Variants in SMOC1 observed in about 807,000 individuals in gnomAD.
SMOC1 encodes the protein SPARC-related modular calcium-binding protein 1.
SMOC1 carries 22 observed loss-of-function variants against 56.3 expected under a neutral mutation model. The observed-to-expected ratio is 0.39, with a 90% CI of 0.28 to 0.56. The LOEUF is 0.56. SMOC1 is among the 20% of genes least tolerant of loss of function. The pLI is 0.61. For synonymous variants in SMOC1, 193 were observed against 215.0 expected, an observed-to-expected ratio of 0.90 and a Z score of 0.89; for missense variants, 509 against 565.4, an observed-to-expected ratio of 0.90 and a Z score of 1.01.
chr14:70,007,802 T>C (rs1885197354), intron 7 of SMOC1, among the ~76,000 whole-genome samples: 1 of 152,238 alleles, frequency 6.6e-6, no homozygotes, highest in Admixed American at 6.5e-5. Context: ...GTAAAGCCCT[T>C]AGTCTATTGC....
At chr14:70,019,755 G>A (rs1352101287) in intron 10 of SMOC1, among the ~76,000 whole-genome samples, 2 of 152,144 alleles carry the variant, frequency 1.3e-5, no homozygotes, top group Non-Finnish European at 2.9e-5. Context: ...CCTGCTCCAT[G>A]CCTATCCAGC....
rs1886152430 is a variant in SMOC1 at position 70,031,584 on chromosome 14, C to T, written c.*1326C>T. 1.3e-5 allele frequency: 2 copies of T among 152,200 alleles called. No individual in the cohort carries two copies. Among genetic ancestry groups the T allele is most frequent in the South Asian group, 4.1e-4 (2 of 4,826 alleles). The allele number at this position is 152,200 out of a possible 1,614,324, so 9.4% of individuals were successfully genotyped here. On this transcript the variant is annotated 3_prime_UTR_variant, in exon 12 of 12. Transcript: ENST00000361956. ...ACTGATCTTGGGTTTCCTATTCTGC[C>T]TCCCCTAGAAGGGCAGGGGTGATAA... is the stretch of plus-strand genomic sequence containing the variant.
At chr14:70,002,291 A>G (rs1884996851) in intron 7 of SMOC1, among the ~76,000 whole-genome samples, 1 of 152,192 alleles carries the variant, frequency 6.6e-6, no homozygotes, top group African/African-American at 2.4e-5. Context: ...TTTAGCTTAA[A>G]GGGGATGGAA....
chr14:69,969,857 C>T (rs1295386986), intron 3 of SMOC1, among the ~76,000 whole-genome samples: 1 of 152,192 alleles, frequency 6.6e-6, no homozygotes, highest in East Asian at 1.9e-4. Flanking sequence ...TCTATTCACA[C>T]CTCACAGAAC....
chr14:69,924,088 T>C (rs1352292642), intron 1 of SMOC1, among the ~76,000 whole-genome samples: 1 of 152,250 alleles, frequency 6.6e-6, no homozygotes, highest in African/African-American at 2.4e-5. Context: ...GAATTTAATA[T>C]GCCTCTGGTT....
At chr14:69,900,762 T>A (rs564155087) in intron 1 of SMOC1, among the ~76,000 whole-genome samples, 2 of 152,342 alleles carry the variant, frequency 1.3e-5, no homozygotes, top group African/African-American at 2.4e-5. Flanking sequence ...AGAAACCTGA[T>A]AACCAGGCAT....
intron 6 of SMOC1, 109 bp from the exon 7 acceptor site, chr14:69,994,291 C>T: frequency 1.1e-6 from 1 of 879,550 alleles, no homozygotes; most frequent in Non-Finnish European, 1.9e-6. Flanking sequence ...GAGCTGAAGC[C>T]TCAATGCCTC....
At chr14:69,943,009 G>C (rs1423989423) in intron 1 of SMOC1, among the ~76,000 whole-genome samples, 1 of 152,176 alleles carries the variant, frequency 6.6e-6, no homozygotes, top group African/African-American at 2.4e-5. Context: ...GGCTGCTGGT[G>C]GTGGGGGGCA....
intron 3 of SMOC1, among the ~76,000 whole-genome samples, chr14:69,970,271 T>C (rs921869104): frequency 6.6e-6 from 1 of 152,220 alleles, no homozygotes. Context: ...AGTCGCTTCC[T>C]GTCTCTTCCT....
intron 1 of SMOC1, among the ~76,000 whole-genome samples, chr14:69,923,687 G>A (rs1412953961): frequency 1.3e-5 from 2 of 152,160 alleles, no homozygotes; most frequent in African/African-American, 4.8e-5. Context: ...CCTATGACCT[G>A]CTCTCGATTT....
intron 4 of SMOC1, among the ~76,000 whole-genome samples, chr14:69,976,548 C>T (rs1025093527): frequency 3.3e-5 from 5 of 152,192 alleles, no homozygotes; most frequent in Admixed American, 3.3e-4. Context: ...CTATTCCCAA[C>T]TTAATAAACA....
chr14:69,886,212 T>A, intron 1 of SMOC1: 1 of 754,870 alleles, frequency 1.3e-6, no homozygotes, highest in South Asian at 1.6e-5. Flanking sequence ...TAACTTGTAT[T>A]AATCCTCCTG....
chr14:70,028,644 C>T (rs962813633), intron 11 of SMOC1, among the ~76,000 whole-genome samples: 1 of 152,194 alleles, frequency 6.6e-6, no homozygotes, highest in African/African-American at 2.4e-5. Flanking sequence ...CTGCTGTGCA[C>T]CTCCTTTTTA....
At chr14:70,012,126 A>G (rs1594854991) in intron 9 of SMOC1, among the ~76,000 whole-genome samples, 1 of 152,210 alleles carries the variant, frequency 6.6e-6, no homozygotes, top group African/African-American at 2.4e-5. Flanking sequence ...TTGGAATCTT[A>G]TTGTCTTTAC....
intron 5 of SMOC1, among the ~76,000 whole-genome samples, chr14:69,987,547 C>T (rs1397301311): frequency 6.6e-6 from 1 of 152,198 alleles, no homozygotes; most frequent in Non-Finnish European, 1.5e-5. Context: ...CTTGCCAGCC[C>T]CTTGAAAGGC....
At chr14:69,978,730 A>G (rs1156735686) in intron 5 of SMOC1, among the ~76,000 whole-genome samples, 3 of 152,158 alleles carry the variant, frequency 2.0e-5, no homozygotes, top group Non-Finnish European at 4.4e-5. Flanking sequence ...AAAGTTTTGT[A>G]TTTTAGTGCC....
In SMOC1 at chr14:69,919,201, C is replaced by T. The variant is rs189245854; in HGVS notation, c.100-32937C>T. Among the ~76,000 whole-genome samples, 188 of 152,236 alleles carry T rather than the reference C, an allele frequency of 1.2e-3. 1 individual carries two copies. Among genetic ancestry groups the T allele is most frequent in the African/African-American group, 3.5e-3 (144 of 41,524 alleles). On this transcript the variant is annotated intron_variant, in intron 1 of 11. Coordinates refer to ENST00000361956, the MANE Select transcript of SMOC1 (RefSeq NM_001034852.3). ...CTGCCTTATATAGCCAGGTCAAGCC[C>T]ATAAAAGAGCTACATCAAGCAACCC...
intron 3 of SMOC1, among the ~76,000 whole-genome samples, chr14:69,962,392 T>C (rs1883417269): frequency 6.6e-6 from 1 of 152,200 alleles, no homozygotes; most frequent in Non-Finnish European, 1.5e-5. Flanking sequence ...CTTAAACTCC[T>C]GACCTCAGTA....
At chr14:69,958,010 T>C (rs1223439823) in intron 3 of SMOC1, among the ~76,000 whole-genome samples, 2 of 152,220 alleles carry the variant, frequency 1.3e-5, no homozygotes, top group African/African-American at 4.8e-5. Context: ...GAAAGCTCAT[T>C]TATAAGTCAG....
Sources: gnomAD v4.1 joint callset for allele counts (sites outside exome capture counted in the v4.1 genomes callset) on GRCh38, gnomAD v4.1.1 for gene constraint, MANE v1.5 for transcripts, NCBI Gene and HGNC (gene_info 2026-07-23, HGNC 2026-07-21) for gene names.